Variants in MAGI1 observed in about 807,000 individuals in gnomAD.
MAGI1 encodes the protein membrane-associated guanylate kinase, WW and PDZ domain-containing protein 1.
MAGI1 carries 58 observed loss-of-function variants against 139.9 expected under a neutral mutation model. The ratio of observed to expected loss-of-function variants is 0.41; its 90% confidence interval spans 0.34 to 0.52. MAGI1 has a LOEUF of 0.52. MAGI1 is among the 20% of genes least tolerant of loss of function. The pLI is 0.12. For synonymous variants in MAGI1, 812 were observed against 737.9 expected (o/e 1.10, Z -1.63); for missense variants, 1,874 against 1,901.6 (o/e 0.99, Z 0.27).
At chr3:65,975,342 C>G (rs1211342548) in intron 1 of MAGI1, among the ~76,000 whole-genome samples, 7 of 152,226 alleles carry the variant, frequency 4.6e-5, no homozygotes. Context: ...ACAAAATAAT[C>G]TGTCATTTCT....
At chr3:65,596,595 CAA>C (rs1258341331) in intron 2 of MAGI1, among the ~76,000 whole-genome samples, 3 of 152,190 alleles carry the variant, frequency 2.0e-5, no homozygotes, top group East Asian at 3.9e-4. Context: ...GTGTGTGAGA[CAA>C]AGTCTATATA....
At chr3:65,580,524 T>A (rs569769900) in intron 2 of MAGI1, among the ~76,000 whole-genome samples, 116 of 152,332 alleles carry the variant, frequency 7.6e-4, no homozygotes, top group African/African-American at 2.8e-3. Flanking sequence ...CTGAACCAGT[T>A]CTTCCTTACT....
chr3:65,674,580 T>A (rs997235136), intron 1 of MAGI1, among the ~76,000 whole-genome samples: 9 of 152,132 alleles, frequency 5.9e-5, no homozygotes, highest in Non-Finnish European at 1.0e-4. Flanking sequence ...TTCCAAGGCT[T>A]TATGTTCTCA....
chr3:65,961,972 A>G (rs964672101), intron 1 of MAGI1, among the ~76,000 whole-genome samples: 6 of 152,124 alleles, frequency 3.9e-5, no homozygotes, highest in African/African-American at 9.7e-5. Flanking sequence ...GGAAAAAGCT[A>G]TTTCCAAATT....
intron 2 of MAGI1, among the ~76,000 whole-genome samples, chr3:65,515,553 C>T (rs918656260): frequency 1.2e-4 from 19 of 152,138 alleles, no homozygotes; most frequent in Non-Finnish European, 2.6e-4. Context: ...TGGTAGTTGT[C>T]CCTTATTTCT....
rs112795891 is a variant in MAGI1 at position 65,516,267 on chromosome 3, C to T, written c.431-22636G>A. Among the ~76,000 whole-genome samples, 430 of 152,174 alleles carry T rather than the reference C, an allele frequency of 2.8e-3. 1 individual carries two copies. The highest frequency in any genetic ancestry group is 9.8e-3 in the African/African-American group (405 of 41,514). The stretch of plus-strand genomic sequence containing the variant: ...CAATCTTGGCTCACTGCTACCTCCA[C>T]CTCCTGGGTTCAAGCGATTCCCCTG... On this transcript the variant is annotated intron_variant, in intron 2 of 22. Coordinates refer to ENST00000402939, the MANE Select transcript of MAGI1 (RefSeq NM_001033057.2).
In MAGI1 at chr3:66,025,404, G is replaced by C. The variant is rs539867227; in HGVS notation, c.313+12592C>G. ...AAAAAAAATTAATTATTTGGGCACG[G>C]TGGCACCCACCTGTGGTCCCAGCTA... is the stretch of plus-strand genomic sequence containing the variant. On this transcript the variant is annotated intron_variant, in intron 1 of 22. Coordinates refer to ENST00000402939, the MANE Select transcript of MAGI1 (RefSeq NM_001033057.2). 6.6e-5 allele frequency among the ~76,000 whole-genome samples: 10 copies of C among 152,216 alleles called. 1 individual carries two copies. The Middle Eastern group carries it at 0.01, about 155-fold the overall frequency.
At chr3:65,497,726 T>A (rs1952554213) in intron 2 of MAGI1, among the ~76,000 whole-genome samples, 1 of 152,208 alleles carries the variant, frequency 6.6e-6, no homozygotes, top group Admixed American at 6.6e-5. Flanking sequence ...CAGGTTTACC[T>A]TAAAGACAAC....
chr3:65,778,636 A>G (rs1228255763), intron 1 of MAGI1, among the ~76,000 whole-genome samples: 2 of 152,158 alleles, frequency 1.3e-5, no homozygotes, highest in East Asian at 3.9e-4. Flanking sequence ...GCAACTTGCC[A>G]GGACCACTCA....
chr3:65,833,332 T>G (rs1272148805), intron 1 of MAGI1, among the ~76,000 whole-genome samples: 1 of 152,130 alleles, frequency 6.6e-6, no homozygotes, highest in African/African-American at 2.4e-5. Context: ...TTGGCCAGGC[T>G]GGTTTCAAAC....
At position 65,356,758 on chromosome 3, in the gene MAGI1, A is replaced by G; in HGVS notation, c.4009T>C (p.Leu1337=). ...TTCTCGTGCTTCTCCCTCCTCTCCAAAGTGTTGTCGGCGCTGCGGGTGCCC... is the reference window on the plus strand; with the variant it reads ...TTCTCGTGCTTCTCCCTCCTCTCCAGAGTGTTGTCGGCGCTGCGGGTGCCC... ...REGTRSADNT[L]ERREKHEKRR... Residue 1337 remains leucine (L), a synonymous_variant, in exon 23 of 23, where the codon TTG becomes CTG. Coordinates refer to ENST00000402939, the MANE Select transcript of MAGI1 (RefSeq NM_001033057.2). 2 of 1,601,442 alleles carry G rather than the reference A, an allele frequency of 1.2e-6. No homozygotes were observed. The highest frequency in any genetic ancestry group is 1.3e-5 in the African/African-American group (1 of 74,084).
At chr3:65,397,528 G>T (rs867649366) in intron 13 of MAGI1, among the ~76,000 whole-genome samples, 1 of 151,132 alleles carries the variant, frequency 6.6e-6, no homozygotes, top group Non-Finnish European at 1.5e-5. Flanking sequence ...CTTTTTGTAG[G>T]ATTTTTTTTT....
chr3:66,027,514 T>G lies in MAGI1; in HGVS notation c.313+10482A>C, dbSNP rs114458584. Among the ~76,000 whole-genome samples the G allele has an allele frequency of 5.5e-3, 836 of 152,150 alleles. 4 individuals are homozygous for G. Among genetic ancestry groups the G allele is most frequent in the Middle Eastern group, 0.014 (4 of 294 alleles). On this transcript the variant is annotated intron_variant, in intron 1 of 22. Coordinates refer to ENST00000402939, the MANE Select transcript of MAGI1 (RefSeq NM_001033057.2). ...ACATGGAAACCTAGAGTAAGATTAT[T>G]GGAATCAGATAGATCTGAGTTTGAA...
At chr3:65,996,760 G>A (rs777522120) in intron 1 of MAGI1, among the ~76,000 whole-genome samples, 10 of 152,350 alleles carry the variant, frequency 6.6e-5, no homozygotes, top group Non-Finnish European at 1.3e-4. Context: ...TGGGACCATC[G>A]GAGGGCCGGG....
chr3:65,737,017 TC>T (rs1336853181), intron 1 of MAGI1, among the ~76,000 whole-genome samples: 44 of 150,666 alleles, frequency 2.9e-4, no homozygotes, highest in Non-Finnish European at 4.9e-4. Flanking sequence ...TTTTTTTTTT[TC>T]TTTTTGAGAC....
At chr3:65,638,716 C>G (rs879586601) in intron 1 of MAGI1, among the ~76,000 whole-genome samples, 1 of 145,176 alleles carries the variant, frequency 6.9e-6, no homozygotes, top group Non-Finnish European at 1.5e-5. Context: ...AAGTGATTCT[C>G]CTGCCTCAAC....
At chr3:65,421,653 C>G (rs575564302) in intron 12 of MAGI1, among the ~76,000 whole-genome samples, 2 of 152,136 alleles carry the variant, frequency 1.3e-5, no homozygotes, top group Non-Finnish European at 2.9e-5. Context: ...ATTAAAGGTA[C>G]TTTAATGAAA....
intron 1 of MAGI1, chr3:65,687,322 T>C (rs1281984175): frequency 4.3e-6 from 1 of 233,204 alleles, no homozygotes; most frequent in Non-Finnish European, 9.2e-6. Context: ...ACAAAGGTCA[T>C]GGTTGTGGTG....
At chr3:65,443,403 C>T (rs1038692078) in intron 7 of MAGI1, among the ~76,000 whole-genome samples, 2 of 152,230 alleles carry the variant, frequency 1.3e-5, no homozygotes, top group African/African-American at 4.8e-5. Flanking sequence ...TCTTTCTCAG[C>T]ACTTAACCTG....
Sources: gnomAD v4.1 joint callset for allele counts (sites outside exome capture counted in the v4.1 genomes callset) on GRCh38, gnomAD v4.1.1 for gene constraint, MANE v1.5 for transcripts, NCBI Gene and HGNC (gene_info 2026-07-23, HGNC 2026-07-21) for gene names.